DCLK1: variants seen among roughly 807,000 people sequenced by gnomAD.
The protein encoded by DCLK1 is serine/threonine-protein kinase DCLK1.
Under a neutral mutation model 86.2 loss-of-function variants are expected in DCLK1, and 16 were observed. The observed-to-expected ratio is 0.19, with a 90% CI of 0.13 to 0.28. DCLK1 has a LOEUF of 0.28. DCLK1 is among the 10% of genes least tolerant of loss of function. The pLI, the probability that DCLK1 is intolerant of heterozygous loss-of-function variation, is 1.00. For synonymous variants in DCLK1, 369 were observed against 370.5 expected, an observed-to-expected ratio of 1.00 and a Z score of 0.05; for missense variants, 590 against 940.2, an observed-to-expected ratio of 0.63 and a Z score of 4.87.
intron 4 of DCLK1, among the ~76,000 whole-genome samples, chr13:35,920,308 T>C (rs1335447904): frequency 3.9e-5 from 6 of 152,132 alleles, no homozygotes; most frequent in African/African-American, 4.8e-5. Context: ...GCAATGCACA[T>C]AGCATCACGG....
At chr13:36,057,261 G>A (rs918214790) in intron 3 of DCLK1, among the ~76,000 whole-genome samples, 5 of 152,010 alleles carry the variant, frequency 3.3e-5, no homozygotes, top group African/African-American at 4.8e-5. Context: ...AACACCAGTC[G>A]TCCCACCCCT....
chr13:35,784,614 G>A (rs1332172202), intron 16 of DCLK1, among the ~76,000 whole-genome samples: 6 of 152,308 alleles, frequency 3.9e-5, no homozygotes, highest in Middle Eastern at 3.4e-3. Flanking sequence ...CACAGTTTGA[G>A]TGGTTTTGAA....
At chr13:36,124,126 C>T (rs548675104) in intron 2 of DCLK1, among the ~76,000 whole-genome samples, 2 of 152,332 alleles carry the variant, frequency 1.3e-5, no homozygotes, top group East Asian at 3.9e-4. Context: ...TTTTTCCCTA[C>T]AGTACTACCG....
chr13:35,892,353 C>T (rs1459780208), intron 4 of DCLK1, among the ~76,000 whole-genome samples: 2 of 152,164 alleles, frequency 1.3e-5, no homozygotes, highest in African/African-American at 2.4e-5. Context: ...TTATTAACCC[C>T]CACTGTATGA....
chr13:36,015,129 G>T (rs1423120464), intron 3 of DCLK1, among the ~76,000 whole-genome samples: 1 of 151,848 alleles, frequency 6.6e-6, no homozygotes, highest in Non-Finnish European at 1.5e-5. Flanking sequence ...CCAGCCCTTG[G>T]CATATAGCAG....
intron 2 of DCLK1, among the ~76,000 whole-genome samples, chr13:36,113,629 G>C (rs1346161281): frequency 6.6e-6 from 1 of 152,064 alleles, no homozygotes; most frequent in Non-Finnish European, 1.5e-5. Context: ...TGGAAATTCG[G>C]GCTCAAGACC....
At chr13:36,106,795 T>G (rs1362338195) in intron 3 of DCLK1, among the ~76,000 whole-genome samples, 1 of 152,198 alleles carries the variant, frequency 6.6e-6, no homozygotes, top group Non-Finnish European at 1.5e-5. Context: ...GTTTCCACAT[T>G]TTCTATGCTT....
At chr13:35,961,517 C>T (rs528247348) in intron 3 of DCLK1, among the ~76,000 whole-genome samples, 46 of 152,290 alleles carry the variant, frequency 3.0e-4, no homozygotes, top group Non-Finnish European at 5.4e-4. Flanking sequence ...TATTTTCTTT[C>T]CTTCTGTATA....
chr13:35,956,710 GA>G (rs553140350), intron 3 of DCLK1, among the ~76,000 whole-genome samples: 18 of 3,164 alleles, frequency 5.7e-3, no homozygotes, highest in Non-Finnish European at 8.5e-3. Flanking sequence ...GAAGGCTGGG[GA>G]AAAACAAAAC....
At chr13:36,127,154 G>A (rs530540954) in intron 1 of DCLK1, among the ~76,000 whole-genome samples, 1 of 152,350 alleles carries the variant, frequency 6.6e-6, no homozygotes, top group Admixed American at 6.5e-5. Context: ...GCCAGATGGA[G>A]AGCAAATTAA....
In DCLK1 at chr13:35,810,275, G is replaced by T. The variant is rs574571856; in HGVS notation, c.1688+560C>A. Among the ~76,000 whole-genome samples, 24 of 152,274 alleles carry T rather than the reference G, an allele frequency of 1.6e-4. No individual in the cohort carries two copies. The South Asian group carries it at 5.0e-3, about 32-fold the overall frequency. The stretch of plus-strand genomic sequence containing the variant: ...AGGAGTTTCAGGCCTAGCATATTGT[G>T]GGGTCTTAGTAAGGAATAGGCTACC... On this transcript the variant is annotated intron_variant, in intron 12 of 16. Coordinates refer to ENST00000360631, the MANE Select transcript of DCLK1 (RefSeq NM_001330071.2).
intron 4 of DCLK1, among the ~76,000 whole-genome samples, chr13:35,946,202 C>T (rs1172092255): frequency 6.6e-6 from 1 of 152,018 alleles, no homozygotes; most frequent in African/African-American, 2.4e-5. Context: ...CAGGGTTTCG[C>T]CATGTTGCCC....
chr13:35,988,086 C>G (rs977675909), intron 3 of DCLK1, among the ~76,000 whole-genome samples: 2 of 152,200 alleles, frequency 1.3e-5, no homozygotes, highest in African/African-American at 4.8e-5. Context: ...CTTTCCCCAG[C>G]ACCTCCCAGT....
At chr13:35,828,007 G>A (rs1868625548) in intron 9 of DCLK1, among the ~76,000 whole-genome samples, 1 of 152,142 alleles carries the variant, frequency 6.6e-6, no homozygotes, top group African/African-American at 2.4e-5. Flanking sequence ...ATGAAACTTA[G>A]ATCACATTAA....
intron 3 of DCLK1, among the ~76,000 whole-genome samples, chr13:36,039,872 T>A (rs1436548367): frequency 1.3e-5 from 2 of 152,052 alleles, no homozygotes; most frequent in East Asian, 3.9e-4. Flanking sequence ...AAGATGGCCT[T>A]ACTAAGTAGC....
At chr13:35,854,984 ACAGATCACCAGTGACATTCCAGTGAC>A (rs1593664984) in intron 5 of DCLK1, among the ~76,000 whole-genome samples, 1 of 152,202 alleles carries the variant, frequency 6.6e-6, no homozygotes, top group East Asian at 1.9e-4. Flanking sequence ...AAATATAAGC[ACAGATCACCAGTGACATTCCAGTGAC>A]CTGATAAATA....
chr13:35,783,612 A>AT (rs759451971), intron 16 of DCLK1, among the ~76,000 whole-genome samples: 1 of 151,990 alleles, frequency 6.6e-6, no homozygotes, highest in East Asian at 1.9e-4. Context: ...TGAGACGGAG[A>AT]TTCGCTCTTG....
intron 3 of DCLK1, among the ~76,000 whole-genome samples, chr13:36,008,234 T>TTA (rs1361283457): frequency 2.6e-4 from 29 of 109,808 alleles, no homozygotes; most frequent in Admixed American, 2.4e-3. Context: ...ATTATTTTTT[T>TTA]AATTATACTT....
chr13:35,800,924 A>G (rs1830874688), intron 15 of DCLK1, among the ~76,000 whole-genome samples: 1 of 147,602 alleles, frequency 6.8e-6, no homozygotes, highest in South Asian at 2.1e-4. Flanking sequence ...TGGCTTCACT[A>G]CGTTGGCCAG....
Sources: allele counts gnomAD v4.1 joint callset (sites outside exome capture counted in the v4.1 genomes callset), GRCh38; gene constraint gnomAD v4.1.1; transcripts MANE v1.5; gene names NCBI Gene and HGNC (gene_info 2026-07-23, HGNC 2026-07-21).